NAB1: variants seen among roughly 807,000 people sequenced by gnomAD.
NAB1 encodes the protein NGFI-A-binding protein 1.
In NAB1, 25 loss-of-function variants were observed where a neutral mutation model predicts 49.9. The observed-to-expected ratio is 0.50, with a 90% CI of 0.37 to 0.70. The LOEUF (loss-of-function observed/expected upper bound fraction) is 0.70, where lower values mean the gene tolerates loss of function less well. NAB1 is among the 30% of genes least tolerant of loss of function. NAB1 has a pLI of 0.00. For missense variants in NAB1, 489 were observed against 575.9 expected, an observed-to-expected ratio of 0.85 and a Z score of 1.54; for synonymous variants, 198 against 215.6, an observed-to-expected ratio of 0.92 and a Z score of 0.71.
rs1160704727 is a variant in NAB1 at position 190,689,417 on chromosome 2, C to T, written c.1376-828C>T. 6.6e-6 allele frequency among the ~76,000 whole-genome samples: 1 copy of T among 152,126 alleles called. No homozygotes were observed. Among genetic ancestry groups the T allele is most frequent in the Non-Finnish European group, 1.5e-5 (1 of 68,020 alleles). The stretch of plus-strand genomic sequence containing the variant: ...ACTCTTACGCGGAACTTAAAATCCC[C>T]TTCTGTTTAGATAGAGAGGATTCAT... On this transcript the variant is annotated intron_variant, in intron 9 of 9. Coordinates refer to ENST00000337386, the MANE Select transcript of NAB1 (RefSeq NM_005966.4). This position sits in a 1 kb window ranked among gnomAD's most constrained non-coding sequence, Gnocchi z 4.3.
intron 3 of NAB1, among the ~76,000 whole-genome samples, chr2:190,658,656 G>C (rs1001213783): frequency 6.6e-6 from 1 of 152,072 alleles, no homozygotes; most frequent in Non-Finnish European, 1.5e-5. Flanking sequence ...GACTCATCTT[G>C]CTCATTTTTT....
chr2:190,658,085 T>C (rs1199986121), intron 3 of NAB1, among the ~76,000 whole-genome samples: 2 of 152,214 alleles, frequency 1.3e-5, no homozygotes, highest in Non-Finnish European at 2.9e-5. Context: ...GGTCAAGAAG[T>C]ACTTTGCTGA....
Position 190,649,381 on chromosome 2 carries a change from T to G in NAB1, c.-334+21T>G, listed in dbSNP as rs1018618779. 16 of 152,056 alleles carry G rather than the reference T, an allele frequency of 1.1e-4. No individual in the cohort carries two copies. The highest frequency in any genetic ancestry group is 3.6e-4 in the African/African-American group (15 of 41,362). 9.4% of individuals were successfully genotyped at this position (152,056 alleles called of 1,614,324 possible). A position where few individuals can be genotyped will look rare whatever the true frequency, so the allele number is the denominator to read the frequency against. ...GCTGAGTACGTACCGGAGCGGACGGTCGCCACTCCCGGTCCGCCAAGTGCG... is the reference window on the plus strand; with the variant it reads ...GCTGAGTACGTACCGGAGCGGACGGGCGCCACTCCCGGTCCGCCAAGTGCG... On this transcript the variant is annotated intron_variant, in intron 1 of 9. Transcript: ENST00000337386. This position sits in a 1 kb window ranked among gnomAD's most constrained non-coding sequence, Gnocchi z 6.1.
intron 4 of NAB1, 64 bp downstream of exon 4, chr2:190,660,059 A>G: frequency 4.1e-6 from 6 of 1,462,322 alleles, no homozygotes; most frequent in Non-Finnish European, 5.6e-6. Context: ...TTAGAGATAA[A>G]TTTGGTAATA....
At position 190,666,097 on chromosome 2, in the gene NAB1, G is replaced by A. The variant is rs1461955677; in HGVS notation, c.820-4229G>A. 3.3e-5 allele frequency among the ~76,000 whole-genome samples: 5 copies of A among 151,958 alleles called. No individual in the cohort carries two copies. Among genetic ancestry groups the A allele is most frequent in the African/African-American group, 1.2e-4 (5 of 41,344 alleles). On this transcript the variant is annotated intron_variant, in intron 4 of 9. Coordinates refer to ENST00000337386, the MANE Select transcript of NAB1 (RefSeq NM_005966.4). The surrounding 1 kb of genome is among the most constrained non-coding windows in gnomAD (Gnocchi z 5.6). ...ATGTCCTTATTCTCATCAGCTCATT[G>A]AGCATTTAAAAGATGATCCCCTCCC...
intron 5 of NAB1, among the ~76,000 whole-genome samples, chr2:190,671,367 C>T (rs1191881155): frequency 6.6e-6 from 1 of 152,186 alleles, no homozygotes; most frequent in Non-Finnish European, 1.5e-5. Context: ...TTTCCTAATT[C>T]ACAGCAGTTT....
At position 190,685,479 on chromosome 2, in the gene NAB1, C is replaced by T. The variant is rs745702952; in HGVS notation, c.1099C>T (p.Pro367Ser). ...TGATTTTTGCTTTACTTACTAGCAG[C>T]CTGAAAAGGTGATGGCAAAGCAGAT... is the stretch of plus-strand genomic sequence containing the variant. ...EELAALSSQQ[P>S]EKVMAKQMEF... The change falls in exon 8 of 10, where the codon CCT becomes TCT. Residue 367 changes from proline to serine, a missense_variant. By Grantham distance (74) the Pro-to-Ser change is moderately conservative. Transcript: ENST00000337386. The surrounding 1 kb of genome is among the most constrained non-coding windows in gnomAD (Gnocchi z 4.5). 9.3e-6 allele frequency: 15 copies of T among 1,605,060 alleles called. No homozygotes were observed. The highest frequency in any genetic ancestry group is 1.2e-5 in the Non-Finnish European group (14 of 1,177,006).
chr2:190,685,347 C>G lies in NAB1; in HGVS notation c.1096-129C>G. On this transcript the variant is annotated intron_variant, in intron 7 of 9. Coordinates refer to ENST00000337386, the MANE Select transcript of NAB1 (RefSeq NM_005966.4). This position sits in a 1 kb window ranked among gnomAD's most constrained non-coding sequence, Gnocchi z 4.5. ...TATGCATATTTATGGAATTTGTATACCACATGAAGTGTGAACTAATTTTAA... is the reference window on the plus strand; with the variant it reads ...TATGCATATTTATGGAATTTGTATAGCACATGAAGTGTGAACTAATTTTAA... 1.3e-6 allele frequency: 1 copy of G among 770,246 alleles called. No homozygotes were observed. Among genetic ancestry groups the G allele is most frequent in the Admixed American group, 3.2e-5 (1 of 31,638 alleles). 47.7% of individuals were successfully genotyped at this position (770,246 alleles called of 1,614,324 possible). A position where few individuals can be genotyped will look rare whatever the true frequency, so the allele number is the denominator to read the frequency against.
rs1157016064 is a variant in NAB1 at position 190,685,566 on chromosome 2, G to A, written c.1186G>A (p.Ala396Thr). The A allele has an allele frequency of 6.2e-7, 1 of 1,614,010 alleles. No homozygotes were observed. Among genetic ancestry groups the A allele is most frequent in the Non-Finnish European group, 8.5e-7 (1 of 1,180,014 alleles). The change falls in exon 8 of 10, where the codon GCA becomes ACA. Residue 396 changes from alanine to threonine, a missense_variant. Physicochemically the swap from Ala to Thr is moderately conservative, Grantham distance 58 (BLOSUM62 0). Around this residue, in one of 4 missense-constraint regions of NAB1, gnomAD observed 212 missense variants for 199.3 expected, o/e 1.06. Transcript: ENST00000337386. The surrounding 1 kb of genome is among the most constrained non-coding windows in gnomAD (Gnocchi z 4.5). ...GCAGCATGCCGAGAGGAGGTTGTCT[G>A]CAGGGCTTTACAGGCAGAGCTCAGA... ...RLQHAERRLS[A>T]GLYRQSSEEH... is the part of the protein sequence containing the mutation.
In NAB1 at chr2:190,675,684, A is replaced by G. The variant is rs1476650033; in HGVS notation, c.1005+2532A>G. On this transcript the variant is annotated intron_variant, in intron 6 of 9. Transcript: ENST00000337386. The surrounding 1 kb of genome is among the most constrained non-coding windows in gnomAD (Gnocchi z 5.2). ...GACAATCGGCCCCAGGCTTCTTTAAATGCTTTTATAGACACTAGACTTTTG... is the reference window on the plus strand; with the variant it reads ...GACAATCGGCCCCAGGCTTCTTTAAGTGCTTTTATAGACACTAGACTTTTG... Among the ~76,000 whole-genome samples, 1 of 152,188 alleles carries G rather than the reference A, an allele frequency of 6.6e-6. No individual in the cohort carries two copies. The highest frequency in any genetic ancestry group is 1.5e-5 in the Non-Finnish European group (1 of 68,034).
Position 190,690,385 on chromosome 2 carries a change from A to G in NAB1, c.*52A>G, listed in dbSNP as rs562056470. The stretch of plus-strand genomic sequence containing the variant: ...AAATGGCATCAGATTTAAGGATAAT[A>G]CTCCATCATAGAAATAAGCCTTAAT... On this transcript the variant is annotated 3_prime_UTR_variant, in exon 10 of 10. Coordinates refer to ENST00000337386, the MANE Select transcript of NAB1 (RefSeq NM_005966.4). 1 of 1,332,520 alleles carries G rather than the reference A, an allele frequency of 7.5e-7. No individual in the cohort carries two copies. Among genetic ancestry groups the G allele is most frequent in the African/African-American group, 1.4e-5 (1 of 69,162 alleles). The allele number at this position is 1,332,520 out of a possible 1,614,324, so 82.5% of individuals were successfully genotyped here. A position where few individuals can be genotyped will look rare whatever the true frequency, so the allele number is the denominator to read the frequency against.
chr2:190,659,754 C>G lies in NAB1; in HGVS notation c.578C>G (p.Ala193Gly). The change falls in exon 4 of 10, where the codon GCT becomes GGT. Residue 193 changes from alanine to glycine, a missense_variant. This residue lies in a region of NAB1 where 204 missense variants were observed against 220.9 expected (regional missense o/e 0.92). Coordinates refer to ENST00000337386, the MANE Select transcript of NAB1 (RefSeq NM_005966.4). The surrounding 1 kb of genome is among the most constrained non-coding windows in gnomAD (Gnocchi z 6.2). The stretch of plus-strand genomic sequence containing the variant: ...AAGGAGAGCAGTGAGGCGCTGGATG[C>G]TGCTGCTGCGCTCTCTGTGGCTGAG... ...SPKESSEALDAAAALSVAECV... is the reference protein window; with the variant it reads ...SPKESSEALDGAAALSVAECV... The G allele has an allele frequency of 1.2e-6, 2 of 1,613,988 alleles. No individual in the cohort carries two copies. The highest frequency in any genetic ancestry group is 1.7e-6 in the Non-Finnish European group (2 of 1,179,902).
At chr2:190,660,332 A>G (rs1694159364) in intron 4 of NAB1, among the ~76,000 whole-genome samples, 1 of 152,268 alleles carries the variant, frequency 6.6e-6, no homozygotes, top group Non-Finnish European at 1.5e-5. Context: ...GGTTTTAAAT[A>G]TAACTTTTAA....
At chr2:190,656,556 G>C (rs929567) in intron 3 of NAB1, among the ~76,000 whole-genome samples, 152,259 of 152,344 alleles carry the variant, frequency 1, 76,087 homozygotes, top group Middle Eastern at 1. Flanking sequence ...TGCAAATGTA[G>C]ACTTGGTCCT....
Position 190,667,871 on chromosome 2 carries a change from A to G in NAB1, c.820-2455A>G, listed in dbSNP as rs1369947460. Among the ~76,000 whole-genome samples the G allele has an allele frequency of 2.0e-5, 3 of 152,162 alleles. No individual in the cohort carries two copies. The highest frequency in any genetic ancestry group is 7.2e-5 in the African/African-American group (3 of 41,444). On this transcript the variant is annotated intron_variant, in intron 4 of 9. Transcript: ENST00000337386. The surrounding 1 kb of genome is among the most constrained non-coding windows in gnomAD (Gnocchi z 4.4). The stretch of plus-strand genomic sequence containing the variant: ...AAGAGATTTTCTTTGCCTGTCACCC[A>G]AGGCATAGAAACTGTATGGCTAATG...
chr2:190,650,305 T>C (rs1693596003), intron 2 of NAB1, among the ~76,000 whole-genome samples: 1 of 152,204 alleles, frequency 6.6e-6, no homozygotes, highest in African/African-American at 2.4e-5. Flanking sequence ...TGGAGTAACT[T>C]GTCACTACCA....
In NAB1 at chr2:190,684,208, AATT is replaced by A. The variant is rs1230672186; in HGVS notation, c.1095+385_1095+387del. On this transcript the variant is annotated intron_variant, in intron 7 of 9. Transcript: ENST00000337386. The surrounding 1 kb of genome is among the most constrained non-coding windows in gnomAD (Gnocchi z 4.6). ...ATAAAATATTAATAGTCAACATTGT[AATT>A]ATTGTTAAATCTTTTAAATTCATAT... is the stretch of plus-strand genomic sequence containing the variant. 6.6e-6 allele frequency among the ~76,000 whole-genome samples: 1 copy of A among 152,222 alleles called. No individual in the cohort carries two copies. The highest frequency in any genetic ancestry group is 1.5e-5 in the Non-Finnish European group (1 of 68,036).
rs750167573 is a variant in NAB1, at chr2:190,683,779, C to A, written c.1047C>A (p.Phe349Leu). ...TCCAGGATTCTGTGCAAACACTCTTCCAGCAGGCTAGAGCTAAGAGTGAAG... is the reference window on the plus strand; with the variant it reads ...TCCAGGATTCTGTGCAAACACTCTTACAGCAGGCTAGAGCTAAGAGTGAAG... ...PDFQDSVQTLFQQARAKSEEL... is the reference protein window; with the variant it reads ...PDFQDSVQTLLQQARAKSEEL... Residue 349 changes from phenylalanine (F) to leucine (L), a missense_variant, in exon 7 of 10, where the codon TTC (phenylalanine) becomes TTA (leucine). By Grantham distance (22) the Phe-to-Leu change is conservative (BLOSUM62 0). Transcript: ENST00000337386. 6.2e-7 allele frequency: 1 copy of A among 1,613,700 alleles called. No individual in the cohort carries two copies. Among genetic ancestry groups the A allele is most frequent in the South Asian group, 1.1e-5 (1 of 90,990 alleles).
At chr2:190,683,476 A>G (rs1366339057) in intron 6 of NAB1, among the ~76,000 whole-genome samples, 3 of 151,712 alleles carry the variant, frequency 2.0e-5, no homozygotes, top group Non-Finnish European at 4.4e-5. Context: ...CGTTATTATC[A>G]ATGATCATAA....
Sources: allele counts gnomAD v4.1 joint callset (sites outside exome capture counted in the v4.1 genomes callset), GRCh38; gene constraint gnomAD v4.1.1; regional missense constraint gnomAD v4.1.1; non-coding constraint Gnocchi (gnomAD v3.1); transcripts MANE v1.5; gene names NCBI Gene and HGNC (gene_info 2026-07-23, HGNC 2026-07-21).